Variants in KIAA1755 observed in about 807,000 individuals in gnomAD.
KIAA1755 encodes the protein KIAA1755.
A neutral mutation model predicts 91.7 loss-of-function variants in KIAA1755; 68 were observed. The observed-to-expected ratio is 0.74, with a 90% CI of 0.61 to 0.91. The LOEUF is 0.91. KIAA1755 is among the 40% of genes least tolerant of loss of function. The probability of loss-of-function intolerance (pLI) is 0.00; values close to 1 mark genes in which losing one functional copy is unlikely to be tolerated. For synonymous variants in KIAA1755, 610 were observed against 604.6 expected (o/e 1.01, Z -0.13); for missense variants, 1,535 against 1,494.4 (o/e 1.03, Z -0.45).
Position 38,228,159 on chromosome 20 carries a change from C to G in KIAA1755, c.1953G>C (p.Leu651=), listed in dbSNP as rs756552846. 6.2e-7 allele frequency: 1 copy of G among 1,601,132 alleles called. No individual in the cohort carries two copies. The highest frequency in any genetic ancestry group is 1.7e-5 in the Admixed American group (1 of 58,424). Residue 651 remains leucine (L), a synonymous_variant, in exon 6 of 14, where the codon CTG becomes CTC. Coordinates refer to ENST00000279024, the MANE Select transcript of KIAA1755 (RefSeq NM_001029864.2). The part of the protein sequence containing the change: ...QPPQPGLVSA[L]QATQAQVPAS... The stretch of plus-strand genomic sequence containing the variant: ...ACCTCCCACTCACCTGGGTGGCCTG[C>G]AGGGCGCTGACCAGACCGGGCTGTG...
chr20:38,216,922 T>G, intron 13 of KIAA1755: 3 of 554,612 alleles, frequency 5.4e-6, no homozygotes, highest in East Asian at 4.4e-5. Flanking sequence ...GGGAAGCATA[T>G]AAGGCATGTC....
rs1252478636 is a variant in KIAA1755, at chr20:38,223,545, C to G, written c.2261G>C (p.Gly754Ala). Reference protein sequence around the residue: ...EEFEKADPPGGMQEATRCLSK... With the variant: ...EEFEKADPPGAMQEATRCLSK... ...ACCATGCTCCAGGCTCACCTGCATC[C>G]CCCCAGGGGGGTCGGCCTTCTCGAA... The change falls in exon 9 of 14, where the codon GGG becomes GCG. Residue 754 changes from glycine (G) to alanine (A), a missense_variant. Transcript: ENST00000279024. 6.3e-7 allele frequency: 1 copy of G among 1,579,944 alleles called. No homozygotes were observed. Among genetic ancestry groups the G allele is most frequent in the Non-Finnish European group, 8.6e-7 (1 of 1,167,456 alleles).
Position 38,212,979 on chromosome 20 carries a change from C to A in KIAA1755, c.*63G>T. ...TGGGACTGACCAGAGCTCCCAGCTA[C>A]CCCTCCAGCTGGGCCCTGGCCCAGT... On this transcript the variant is annotated 3_prime_UTR_variant, in exon 14 of 14. Coordinates refer to ENST00000279024, the MANE Select transcript of KIAA1755 (RefSeq NM_001029864.2). 1.5e-6 allele frequency: 2 copies of A among 1,301,992 alleles called. No homozygotes were observed. Among genetic ancestry groups the A allele is most frequent in the East Asian group, 2.4e-5 (1 of 41,868 alleles). 80.7% of individuals were successfully genotyped at this position (1,301,992 alleles called of 1,614,324 possible).
intron 1 of KIAA1755, among the ~76,000 whole-genome samples, chr20:38,246,765 C>G (rs960446002): frequency 6.6e-6 from 1 of 152,198 alleles, no homozygotes; most frequent in Non-Finnish European, 1.5e-5. Context: ...GCCAACATAT[C>G]AGACCCAACC....
intron 1 of KIAA1755, among the ~76,000 whole-genome samples, chr20:38,259,456 T>C (rs2077954): frequency 0.33 from 42,970 of 130,544 alleles, 6,787 homozygotes; most frequent in African/African-American, 0.48. Context: ...TGCATGTGTA[T>C]GTGTGTGTGC....
intron 4 of KIAA1755, among the ~76,000 whole-genome samples, chr20:38,238,530 C>T (rs1382078088): frequency 2.0e-5 from 3 of 152,122 alleles, no homozygotes; most frequent in Non-Finnish European, 2.9e-5. Flanking sequence ...TTACTTCCTC[C>T]GGGAAGTCAT....
chr20:38,248,207 C>T (rs574285980), intron 1 of KIAA1755, among the ~76,000 whole-genome samples: 57 of 152,100 alleles, frequency 3.7e-4, no homozygotes, highest in African/African-American at 1.2e-3. Context: ...CCAGCCTAGG[C>T]GACAGAGCAA....
In KIAA1755 at chr20:38,239,552, G is replaced by A. The variant is rs375716399; in HGVS notation, c.1723C>T (p.Arg575Cys). The A allele has an allele frequency of 2.7e-5, 43 of 1,613,668 alleles. No homozygotes were observed. Among genetic ancestry groups the A allele is most frequent in the South Asian group, 9.9e-5 (9 of 91,066 alleles). ...CCTGGCAGGCATGCTATCCTGGAGC[G>A]GAAAACCTTGACACCTAGAGCCCCA... ...RIGALGVKVF[R>C]SRIACLPGGR... is the part of the protein sequence containing the mutation. The change falls in exon 4 of 14, where the codon CGC (arginine) becomes TGC (cysteine). Residue 575 changes from arginine (R) to cysteine (C), a missense_variant. By Grantham distance (180) the Arg-to-Cys change is radical. Coordinates refer to ENST00000279024, the MANE Select transcript of KIAA1755 (RefSeq NM_001029864.2).
Position 38,240,868 on chromosome 20 carries a change from G to A in KIAA1755, c.1263C>T (p.Ser421=). Reference sequence around the variant, plus strand: ...GAGAAGCTGGGGACAGGCGGGGAGAGGAGGCTTGTCTTGGTCCAGGCCTGA... The same window carrying A: ...GAGAAGCTGGGGACAGGCGGGGAGAAGAGGCTTGTCTTGGTCCAGGCCTGA... ...VQLRPGPRQA[S]SPRLSPASPA... The change falls in exon 3 of 14, where the codon TCC becomes TCT. Residue 421 remains serine, a synonymous_variant. Transcript: ENST00000279024. The A allele has an allele frequency of 6.2e-7, 1 of 1,614,012 alleles. No individual in the cohort carries two copies. The highest frequency in any genetic ancestry group is 8.5e-7 in the Non-Finnish European group (1 of 1,180,000).
intron 1 of KIAA1755, among the ~76,000 whole-genome samples, chr20:38,250,512 C>CTGTGTGTGTGTGTCTG (rs2076232419): frequency 7.2e-6 from 1 of 138,840 alleles, no homozygotes; most frequent in Non-Finnish European, 1.6e-5. Flanking sequence ...GTGTGTGTGT[C>CTGTGTGTGTGTGTCTG]TGTGTGTGTG....
Position 38,213,283 on chromosome 20 carries a change from A to C in KIAA1755, c.3362T>G (p.Phe1121Cys), listed in dbSNP as rs748610381. The stretch of plus-strand genomic sequence containing the variant: ...TTCCTGGGGTGGAGAGCCTGCCTGG[A>C]AAGTTCTGTTCTGTTCCCCTCTGGG... ...GPPRGEQNRT[F>C]QAGSPPQEAG... is the part of the protein sequence containing the mutation. Residue 1121 changes from phenylalanine to cysteine, a missense_variant, in exon 14 of 14, where the codon TTC becomes TGC. Phe to Cys is a radical substitution (Grantham distance 205). Coordinates refer to ENST00000279024, the MANE Select transcript of KIAA1755 (RefSeq NM_001029864.2). The C allele has an allele frequency of 4.3e-6, 7 of 1,613,732 alleles. No individual in the cohort carries two copies. In the East Asian group the frequency reaches 1.3e-4, roughly 31 times the overall value.
At chr20:38,222,279 G>A (rs947478605) in intron 10 of KIAA1755, among the ~76,000 whole-genome samples, 170 bp downstream of exon 10, 1 of 152,252 alleles carries the variant, frequency 6.6e-6, no homozygotes, top group Admixed American at 6.5e-5. Flanking sequence ...CAGGGCTCAG[G>A]GCAGGTTTCT....
rs769758947 is a variant in KIAA1755, at chr20:38,213,363, T to C, written c.3282A>G (p.Pro1094=). ...AATGGTCCATGCCCAGTGAGTCTAGTGGAGGCTGATCCCACCTCCCCTTGG... is the reference window on the plus strand; with the variant it reads ...AATGGTCCATGCCCAGTGAGTCTAGCGGAGGCTGATCCCACCTCCCCTTGG... The part of the protein sequence containing the change: ...VTSKGRWDQP[P]LDSLGMDHLP... Residue 1094 remains proline (P), a synonymous_variant, in exon 14 of 14, where the codon CCA becomes CCG. Transcript: ENST00000279024. 2.3e-5 allele frequency: 37 copies of C among 1,606,908 alleles called. No homozygotes were observed. The highest frequency in any genetic ancestry group is 3.0e-5 in the Non-Finnish European group (35 of 1,176,436).
Position 38,223,633 on chromosome 20 carries a change from G to A in KIAA1755, c.2173C>T (p.Leu725=). 1 of 1,604,434 alleles carries A rather than the reference G, an allele frequency of 6.2e-7. No homozygotes were observed. The highest frequency in any genetic ancestry group is 8.5e-7 in the Non-Finnish European group (1 of 1,176,014). Residue 725 remains leucine, a synonymous_variant, in exon 9 of 14, where the codon CTG becomes TTG. Coordinates refer to ENST00000279024, the MANE Select transcript of KIAA1755 (RefSeq NM_001029864.2). ...TGGAGGTCAGCAAGGAAAGGGTCCA[G>A]CTTCTGCAGGACAGAGGACCAAAGG... The part of the protein sequence containing the change: ...HTEWVHFFQK[L]DPFLADLHQA...
Position 38,213,697 on chromosome 20 carries a change from C to G in KIAA1755, c.2948G>C (p.Arg983Thr). 1 of 1,539,014 alleles carries G rather than the reference C, an allele frequency of 6.5e-7. No individual in the cohort carries two copies. The highest frequency in any genetic ancestry group is 8.7e-7 in the Non-Finnish European group (1 of 1,143,010). The change falls in exon 14 of 14, where the codon AGG becomes ACG. Residue 983 changes from arginine (R) to threonine (T), a missense_variant. Physicochemically the swap from Arg to Thr is moderately conservative, Grantham distance 71. Coordinates refer to ENST00000279024, the MANE Select transcript of KIAA1755 (RefSeq NM_001029864.2). ...ACTGACCCTTGAGGTCTTGTCCAGCCTGAGCTGGGCCATCAGGTCCTGACA... is the reference window on the plus strand; with the variant it reads ...ACTGACCCTTGAGGTCTTGTCCAGCGTGAGCTGGGCCATCAGGTCCTGACA... ...MDCQDLMAQL[R>T]LDKTSRVSPG...
At chr20:38,222,340 G>A (rs1333432541) in intron 10 of KIAA1755, 109 bp downstream of exon 10, 3 of 1,187,194 alleles carry the variant, frequency 2.5e-6, no homozygotes, top group Admixed American at 2.2e-5. Context: ...TGCAAAGCTG[G>A]GCGCCCTCGG....
chr20:38,244,831 G>A (rs1372976434), intron 2 of KIAA1755, among the ~76,000 whole-genome samples: 2 of 152,110 alleles, frequency 1.3e-5, no homozygotes, highest in African/African-American at 2.4e-5. Context: ...GCCTCCAAGC[G>A]ATTCTCTTGC....
intron 5 of KIAA1755, among the ~76,000 whole-genome samples, chr20:38,230,099 G>T (rs903730042): frequency 1.3e-5 from 2 of 152,160 alleles, no homozygotes; most frequent in East Asian, 3.9e-4. Context: ...CTCTAAGACT[G>T]CCCTGGCTAG....
At position 38,213,536 on chromosome 20, in the gene KIAA1755, C is replaced by A; in HGVS notation, c.3109G>T (p.Ala1037Ser). 6.2e-7 allele frequency: 1 copy of A among 1,609,660 alleles called. No homozygotes were observed. Among genetic ancestry groups the A allele is most frequent in the Non-Finnish European group, 8.5e-7 (1 of 1,178,406 alleles). ...AGLGQELWEEARIRHEEIRML... is the reference protein window; with the variant it reads ...AGLGQELWEESRIRHEEIRML... ...CGGATCTCCTCATGCCTGATCCGGG[C>A]CTCCTCCCATAGCTCCTGGCCCAGG... is the stretch of plus-strand genomic sequence containing the variant. The change falls in exon 14 of 14, where the codon GCC becomes TCC. Residue 1037 changes from alanine to serine, a missense_variant. By Grantham distance (99) the Ala-to-Ser change is moderately conservative (BLOSUM62 1). Transcript: ENST00000279024.
Sources: gnomAD v4.1 joint callset for allele counts (sites outside exome capture counted in the v4.1 genomes callset) on GRCh38, gnomAD v4.1.1 for gene constraint, MANE v1.5 for transcripts, NCBI Gene and HGNC (gene_info 2026-07-23, HGNC 2026-07-21) for gene names.